Variants in KDM1A observed in about 807,000 individuals in gnomAD.
KDM1A encodes lysine demethylase 1A.
Under a neutral mutation model 109.4 loss-of-function variants are expected in KDM1A, and 49 were observed. The ratio of observed to expected loss-of-function variants is 0.45; its 90% CI spans 0.36 to 0.57. KDM1A has a LOEUF of 0.57. Ranked by LOEUF, KDM1A falls within the 20% of genes least tolerant of loss-of-function variation. The pLI is 0.00. For missense variants in KDM1A, 668 were observed against 1,116.6 expected (o/e 0.60, Z 5.73); for synonymous variants, 380 against 415.4 (o/e 0.91, Z 1.04).
At chr1:23,030,818 T>A (rs1396317006) in intron 2 of KDM1A, among the ~76,000 whole-genome samples, 184 bp downstream of exon 2, 3 of 152,124 alleles carry the variant, frequency 2.0e-5, no homozygotes, top group Non-Finnish European at 4.4e-5. Context: ...TGTGTATGTA[T>A]ACACATAGAT....
chr1:23,030,625 G>A lies in KDM1A; in HGVS notation c.508G>A (p.Glu170Lys). 6.4e-7 allele frequency: 1 copy of A among 1,554,524 alleles called. No individual in the cohort carries two copies. The highest frequency in any genetic ancestry group is 8.6e-7 in the Non-Finnish European group (1 of 1,157,240). Residue 170 changes from glutamate (E) to lysine (K), a missense_variant, in exon 2 of 21, where the codon GAA becomes AAA. Transcript: ENST00000400181. The stretch of plus-strand genomic sequence containing the variant: ...GGAAGAAAATGAAAGTGAGCCTGAA[G>A]AACCATCGGGTGAGTTGTAGTATCC... ...PEEENESEPE[E>K]PSGQAGGLQD...
In KDM1A at chr1:23,082,421, A is replaced by C. The variant is rs1643647319; in HGVS notation, c.2445+55A>C. Reference sequence around the variant, plus strand: ...TTTGGGAAGAGGCCAGGATCTCATGATGTCCCTGATTTTTTTTTTTTTTTT... The same window carrying C: ...TTTGGGAAGAGGCCAGGATCTCATGCTGTCCCTGATTTTTTTTTTTTTTTT... On this transcript the variant is annotated intron_variant, in intron 20 of 20. Transcript: ENST00000400181. 3.7e-6 allele frequency: 5 copies of C among 1,359,254 alleles called. No individual in the cohort carries two copies. The African/African-American group carries it at 4.5e-5, about 12-fold the overall frequency. 84.2% of individuals were successfully genotyped at this position (1,359,254 alleles called of 1,614,324 possible).
rs1034590935 is a variant in KDM1A at position 23,055,785 on chromosome 1, G to A, written c.884-147G>A. 1.4e-5 allele frequency: 6 copies of A among 414,796 alleles called. No individual in the cohort carries two copies. In the Admixed American group the frequency reaches 2.0e-4, roughly 14 times the overall value. The allele number at this position is 414,796 out of a possible 1,614,324, so 25.7% of individuals were successfully genotyped here. On this transcript the variant is annotated intron_variant, in intron 6 of 20. Coordinates refer to ENST00000400181, the MANE Select transcript of KDM1A (RefSeq NM_001009999.3). ...CAGATATTTGTTAATTTATTTTCAG[G>A]TAGTTTCCATATTTTGAAAATAACT...
chr1:23,059,911 G>A (rs1181966665), intron 9 of KDM1A, among the ~76,000 whole-genome samples: 2 of 152,074 alleles, frequency 1.3e-5, no homozygotes, highest in Admixed American at 6.6e-5. Flanking sequence ...CTATGTATAC[G>A]GTGGGTTTAG....
intron 1 of KDM1A, among the ~76,000 whole-genome samples, chr1:23,026,026 G>A (rs567756119): frequency 7.9e-5 from 12 of 152,302 alleles, no homozygotes; most frequent in African/African-American, 2.9e-4. Flanking sequence ...GGGAGGCAGA[G>A]GTTGCAGTGA....
chr1:23,066,032 T>G, intron 9 of KDM1A, 28 bp from the exon 10 acceptor site: 1 of 1,606,876 alleles, frequency 6.2e-7, no homozygotes, highest in Non-Finnish European at 8.5e-7. Context: ...TTACAGTTTA[T>G]TTCTCTCTCT....
chr1:23,047,198 AT>A (rs1011179791), intron 3 of KDM1A, among the ~76,000 whole-genome samples: 9 of 146,252 alleles, frequency 6.2e-5, no homozygotes, highest in South Asian at 4.2e-4. Flanking sequence ...ATTAACATAC[AT>A]TTTTTTTTTC....
At chr1:23,082,120 T>C in intron 19 of KDM1A, 100 bp from the exon 20 acceptor site, 1 of 1,299,178 alleles carries the variant, frequency 7.7e-7, no homozygotes, top group Non-Finnish European at 1.1e-6. Context: ...CCCCTCTTTC[T>C]CTTCACTTGC....
At chr1:23,055,268 CTA>C (rs1367626092) in intron 6 of KDM1A, 107 bp downstream of exon 6, 2 of 479,688 alleles carry the variant, frequency 4.2e-6, no homozygotes. Context: ...ATTCATAAGA[CTA>C]TATTTAAAAA....
At chr1:23,044,208 T>C in intron 2 of KDM1A, 1 of 478,518 alleles carries the variant, frequency 2.1e-6, no homozygotes, top group Non-Finnish European at 3.8e-6. Flanking sequence ...TCCACTGCCT[T>C]TCAACAAGAA....
intron 5 of KDM1A, among the ~76,000 whole-genome samples, chr1:23,054,480 C>A (rs1642765476): frequency 6.6e-6 from 1 of 152,130 alleles, no homozygotes; most frequent in Non-Finnish European, 1.5e-5. Flanking sequence ...TTCTAAGAAT[C>A]ACATTGATTG....
At position 23,079,673 on chromosome 1, in the gene KDM1A, T is replaced by C. The variant is rs772313708; in HGVS notation, c.2170+6T>C. On this transcript the variant is annotated splice_donor_region_variant and intron_variant, in intron 18 of 20. Coordinates refer to ENST00000400181, the MANE Select transcript of KDM1A (RefSeq NM_001009999.3). This position sits in a 1 kb window ranked among gnomAD's most constrained non-coding sequence, Gnocchi z 5.6. ...CTTCTGGAACCTCTATAAAGGTAAA[T>C]GCCTTCTAATTTTAATCTTTTCCAT... 3 of 1,553,242 alleles carry C rather than the reference T, an allele frequency of 1.9e-6. No individual in the cohort carries two copies. Among genetic ancestry groups the C allele is most frequent in the African/African-American group, 2.8e-5 (2 of 72,604 alleles).
chr1:23,070,623 A>G (rs376882894), intron 12 of KDM1A, among the ~76,000 whole-genome samples: 50 of 152,242 alleles, frequency 3.3e-4, no homozygotes, highest in East Asian at 2.7e-3. Flanking sequence ...TCTGGCTAAC[A>G]TGGTGAAACC....
At chr1:23,034,087 A>G (rs935283415) in intron 2 of KDM1A, among the ~76,000 whole-genome samples, 1 of 152,206 alleles carries the variant, frequency 6.6e-6, no homozygotes, top group African/African-American at 2.4e-5. Context: ...AGATTTATCA[A>G]TTTTTGACCG....
chr1:23,066,048 A>G lies in KDM1A; in HGVS notation c.1168-12A>G. On this transcript the variant is annotated splice_polypyrimidine_tract_variant and intron_variant, in intron 9 of 20. Coordinates refer to ENST00000400181, the MANE Select transcript of KDM1A (RefSeq NM_001009999.3). ...TACAGTTTATTTCTCTCTCTGCTGCACTGGTTAAAAGGACACTGTCAAGGT... is the reference window on the plus strand; with the variant it reads ...TACAGTTTATTTCTCTCTCTGCTGCGCTGGTTAAAAGGACACTGTCAAGGT... The G allele has an allele frequency of 6.2e-7, 1 of 1,610,310 alleles. No individual in the cohort carries two copies. The highest frequency in any genetic ancestry group is 8.5e-7 in the Non-Finnish European group (1 of 1,177,562).
intron 1 of KDM1A, among the ~76,000 whole-genome samples, chr1:23,024,476 G>A (rs900927805): frequency 1.3e-5 from 2 of 152,186 alleles, no homozygotes; most frequent in African/African-American, 4.8e-5. Flanking sequence ...TTTGAGGACT[G>A]TACTTTAACA....
At chr1:23,055,890 T>C in intron 6 of KDM1A, 42 bp from the exon 7 acceptor site, 1 of 1,402,754 alleles carries the variant, frequency 7.1e-7, no homozygotes, top group Non-Finnish European at 1.0e-6. Context: ...TACAAACTTT[T>C]ATACCTAAAA....
intron 2 of KDM1A, among the ~76,000 whole-genome samples, chr1:23,037,841 A>G (rs1340950028): frequency 1.3e-5 from 2 of 152,146 alleles, no homozygotes; most frequent in Non-Finnish European, 2.9e-5. Flanking sequence ...ATGTCATTTC[A>G]TTGATTTGTT....
intron 2 of KDM1A, among the ~76,000 whole-genome samples, chr1:23,036,913 A>G (rs931943634): frequency 2.6e-5 from 4 of 152,120 alleles, no homozygotes; most frequent in African/African-American, 9.7e-5. Context: ...GTACGATGAT[A>G]ATTATTTTGT....
Sources: gnomAD v4.1 joint callset for allele counts (sites outside exome capture counted in the v4.1 genomes callset) on GRCh38, gnomAD v4.1.1 for gene constraint, Gnocchi (gnomAD v3.1) non-coding constraint, MANE v1.5 for transcripts, NCBI Gene and HGNC (gene_info 2026-07-23, HGNC 2026-07-21) for gene names.